Variants in KCNMB2 observed in about 807,000 individuals in gnomAD.
KCNMB2 encodes the protein potassium calcium-activated channel subfamily M regulatory beta subunit 2.
KCNMB2 carries 9 observed loss-of-function variants against 24.5 expected under a neutral mutation model. The ratio of observed to expected loss-of-function variants is 0.37; its 90% CI spans 0.22 to 0.64. KCNMB2 has a LOEUF of 0.64. Among genes scored for constraint, KCNMB2 ranks in the 30% least tolerant of loss-of-function variants. The pLI is 0.63. For synonymous variants in KCNMB2, 109 were observed against 104.4 expected, an observed-to-expected ratio of 1.04 and a Z score of -0.27; for missense variants, 226 against 284.3, an observed-to-expected ratio of 0.79 and a Z score of 1.47.
intron 1 of KCNMB2, among the ~76,000 whole-genome samples, chr3:178,725,418 C>A (rs1412609926): frequency 6.6e-6 from 1 of 151,976 alleles, no homozygotes; most frequent in Non-Finnish European, 1.5e-5. Context: ...AAAGTTATCA[C>A]CACTAACAAT....
At chr3:178,750,382 CA>C (rs111692939) in intron 1 of KCNMB2, among the ~76,000 whole-genome samples, 9 of 149,458 alleles carry the variant, frequency 6.0e-5, no homozygotes, top group African/African-American at 1.2e-4. Flanking sequence ...CAGCCTTCTA[CA>C]AAAAAAAACA....
intron 1 of KCNMB2, among the ~76,000 whole-genome samples, chr3:178,602,280 C>A (rs1295965116): frequency 6.6e-6 from 1 of 151,814 alleles, no homozygotes; most frequent in Non-Finnish European, 1.5e-5. Flanking sequence ...GGGCAGAAAC[C>A]AGAATCATTC....
At chr3:178,764,455 C>T (rs74552199) in intron 1 of KCNMB2, among the ~76,000 whole-genome samples, 21,298 of 152,082 alleles carry the variant, frequency 0.14, 1,847 homozygotes, top group Admixed American at 0.18. Flanking sequence ...GCCTACAGTG[C>T]TCAGTAAAGT....
intron 1 of KCNMB2, among the ~76,000 whole-genome samples, chr3:178,793,150 C>A (rs1174031169): frequency 6.6e-6 from 1 of 152,192 alleles, no homozygotes; most frequent in Non-Finnish European, 1.5e-5. Context: ...GATTTAATAG[C>A]CAGCCTTCAT....
intron 1 of KCNMB2, among the ~76,000 whole-genome samples, chr3:178,614,247 T>TTATATATACATA (rs1718600954): frequency 3.7e-5 from 2 of 53,466 alleles, no homozygotes; most frequent in Non-Finnish European, 7.2e-5. Context: ...TGGGCTAATT[T>TTATATATACATA]TATATATATA....
At chr3:178,670,511 G>A (rs1404483918) in intron 1 of KCNMB2, among the ~76,000 whole-genome samples, 1 of 152,148 alleles carries the variant, frequency 6.6e-6, no homozygotes, top group Non-Finnish European at 1.5e-5. Context: ...TTGATGTTAA[G>A]CAAGTTAAAA....
chr3:178,695,387 C>T (rs1721838025), intron 1 of KCNMB2, among the ~76,000 whole-genome samples: 1 of 152,230 alleles, frequency 6.6e-6, no homozygotes, highest in Non-Finnish European at 1.5e-5. Flanking sequence ...TGTCTGGCTC[C>T]TCGCTACTTA....
At chr3:178,655,261 C>T (rs1029346021) in intron 1 of KCNMB2, among the ~76,000 whole-genome samples, 1 of 151,968 alleles carries the variant, frequency 6.6e-6, no homozygotes, top group Non-Finnish European at 1.5e-5. Flanking sequence ...TTTTAATTCT[C>T]TCAAAAATGT....
intron 1 of KCNMB2, among the ~76,000 whole-genome samples, chr3:178,689,417 C>T (rs922223439): frequency 3.9e-5 from 6 of 152,142 alleles, no homozygotes; most frequent in African/African-American, 9.6e-5. Context: ...GGGGGGATCA[C>T]GAAGTCAGGA....
intron 1 of KCNMB2, among the ~76,000 whole-genome samples, chr3:178,684,656 C>T (rs191464657): frequency 1.3e-5 from 2 of 152,044 alleles, no homozygotes; most frequent in African/African-American, 2.4e-5. Context: ...GGAGAAACCC[C>T]GTCTCTACTA....
chr3:178,634,124 T>C (rs1719427894), intron 1 of KCNMB2, among the ~76,000 whole-genome samples: 1 of 152,188 alleles, frequency 6.6e-6, no homozygotes, highest in South Asian at 2.1e-4. Context: ...CTTCCTGTCT[T>C]CTGAGCCCTC....
intron 1 of KCNMB2, among the ~76,000 whole-genome samples, chr3:178,696,920 G>A (rs1721900823): frequency 6.6e-6 from 1 of 152,186 alleles, no homozygotes; most frequent in East Asian, 1.9e-4. Flanking sequence ...ATGGTTTTGA[G>A]TGAATTTCTT....
chr3:178,641,390 A>G (rs971658016), intron 1 of KCNMB2, among the ~76,000 whole-genome samples: 2 of 152,130 alleles, frequency 1.3e-5, no homozygotes, highest in Admixed American at 6.5e-5. Context: ...TATAGAACCC[A>G]CACATATTTT....
At position 178,697,863 on chromosome 3, in the gene KCNMB2, C is replaced by T. The variant is rs1474723499; in HGVS notation, c.-67-109480C>T. On this transcript the variant is annotated intron_variant, in intron 1 of 4. Coordinates refer to ENST00000452583, the MANE Select transcript of KCNMB2 (RefSeq NM_181361.3). Reference sequence around the variant, plus strand: ...TCTTATTTCTCCTTCTCTTATGAAGCTTAGTTTAGCTGGATATGAAATTCT... The same window carrying T: ...TCTTATTTCTCCTTCTCTTATGAAGTTTAGTTTAGCTGGATATGAAATTCT... 2.0e-5 allele frequency among the ~76,000 whole-genome samples: 3 copies of T among 151,158 alleles called. No individual in the cohort carries two copies. In the East Asian group the frequency reaches 5.8e-4, roughly 29 times the overall value.
intron 1 of KCNMB2, among the ~76,000 whole-genome samples, chr3:178,754,191 C>CAT (rs1214823380): frequency 2.9e-5 from 2 of 68,076 alleles, no homozygotes; most frequent in African/African-American, 1.7e-4. Context: ...CACACACACA[C>CAT]ATACATATAT....
At chr3:178,579,818 C>T (rs1717131441) in intron 1 of KCNMB2, among the ~76,000 whole-genome samples, 1 of 152,090 alleles carries the variant, frequency 6.6e-6, no homozygotes, top group South Asian at 2.1e-4. Context: ...AAGGCTAAAC[C>T]AGGAAGAAGT....
chr3:178,743,482 A>G (rs1169746349), intron 1 of KCNMB2, among the ~76,000 whole-genome samples: 2 of 151,984 alleles, frequency 1.3e-5, no homozygotes, highest in Non-Finnish European at 2.9e-5. Flanking sequence ...GCAAGCATAT[A>G]CTCCCACGTG....
intron 1 of KCNMB2, among the ~76,000 whole-genome samples, chr3:178,804,598 A>G (rs1221365897): frequency 6.6e-6 from 1 of 152,226 alleles, no homozygotes; most frequent in East Asian, 1.9e-4. Flanking sequence ...CTTGAAACAG[A>G]GCAAAGATAC....
intron 1 of KCNMB2, among the ~76,000 whole-genome samples, chr3:178,663,278 A>G (rs575503357): frequency 1.3e-5 from 2 of 152,214 alleles, no homozygotes; most frequent in South Asian, 4.2e-4. Context: ...GAGCTCAACA[A>G]GGGTATACAT....
Sources: gnomAD v4.1 joint callset for allele counts (sites outside exome capture counted in the v4.1 genomes callset) on GRCh38, gnomAD v4.1.1 for gene constraint, MANE v1.5 for transcripts, NCBI Gene and HGNC (gene_info 2026-07-23, HGNC 2026-07-21) for gene names.